The following AFG2A variants were observed in gnomAD, a reference collection of about 807,000 sequenced individuals.
AFG2A encodes ATPase family gene 2 protein homolog A.
At chr4:122,995,706 T>TA in the AFG2A span, among the ~76,000 whole-genome samples, 1 of 152,346 alleles carries the variant, frequency 6.6e-6, no homozygotes, top group Non-Finnish European at 1.5e-5. Flanking sequence ...ATGGAAAATT[T>TA]AATTTGCAAT....
chr4:123,221,269 C>A, the AFG2A span, among the ~76,000 whole-genome samples: 1 of 152,346 alleles, frequency 6.6e-6, no homozygotes, highest in African/African-American at 2.4e-5. Context: ...AATCCTCCCA[C>A]CTAAGCCTCT....
chr4:123,061,189 T>C, the AFG2A span, among the ~76,000 whole-genome samples: 4 of 152,180 alleles, frequency 2.6e-5, no homozygotes, highest in Admixed American at 2.0e-4. Context: ...TTCCAAACTT[T>C]CCCACATTTT....
chr4:123,314,271 C>A, the AFG2A span: 1 of 372,578 alleles, frequency 2.7e-6, no homozygotes, highest in Admixed American at 4.6e-5. Flanking sequence ...ATCAGTTTTA[C>A]CTGGAAATTT....
At chr4:123,295,250 A>G in the AFG2A span, among the ~76,000 whole-genome samples, 1 of 152,222 alleles carries the variant, frequency 6.6e-6, no homozygotes, top group South Asian at 2.1e-4. Context: ...GAGCTGGCAG[A>G]GGCATAAGCC....
the AFG2A span, among the ~76,000 whole-genome samples, chr4:123,175,006 A>G: frequency 0.011 from 1,715 of 152,036 alleles, 35 homozygotes; most frequent in South Asian, 0.092. Flanking sequence ...TGATTTTTGT[A>G]GAGATGGGGT....
chr4:122,932,168 C>T, the AFG2A span, among the ~76,000 whole-genome samples: 1 of 151,288 alleles, frequency 6.6e-6, no homozygotes, highest in Non-Finnish European at 1.5e-5. Context: ...CCAGCTACTC[C>T]AGAGGCTGAG....
chr4:123,221,644 G>T, the AFG2A span, among the ~76,000 whole-genome samples: 1 of 151,958 alleles, frequency 6.6e-6, no homozygotes, highest in South Asian at 2.1e-4. Context: ...TGTAAAAATG[G>T]CCAGGCACAG....
chr4:122,943,095 A>G, the AFG2A span, among the ~76,000 whole-genome samples: 14 of 152,274 alleles, frequency 9.2e-5, no homozygotes, highest in South Asian at 1.7e-3. Flanking sequence ...GTGGTGCTGA[A>G]AAGAATGTAT....
At chr4:123,040,846 G>A in the AFG2A span, among the ~76,000 whole-genome samples, 6 of 152,070 alleles carry the variant, frequency 3.9e-5, no homozygotes, top group African/African-American at 1.2e-4. Context: ...AGTATCTTAA[G>A]CTTAACAATA....
the AFG2A span, among the ~76,000 whole-genome samples, chr4:123,174,704 C>T: frequency 6.6e-6 from 1 of 151,728 alleles, no homozygotes; most frequent in Non-Finnish European, 1.5e-5. Flanking sequence ...AAGTTGGGCC[C>T]CTACTTCACA....
the AFG2A span, among the ~76,000 whole-genome samples, chr4:123,047,354 CG>C: frequency 1.3e-5 from 2 of 149,326 alleles, no homozygotes; most frequent in Non-Finnish European, 3.0e-5. Flanking sequence ...ATTATGATGT[CG>C]AACATTTTTT....
At chr4:122,949,596 T>C in the AFG2A span, among the ~76,000 whole-genome samples, 1 of 151,844 alleles carries the variant, frequency 6.6e-6, no homozygotes, top group Non-Finnish European at 1.5e-5. Flanking sequence ...GGGCAAAAGG[T>C]GAGTTGTTTA....
At chr4:122,939,852 A>G in the AFG2A span, among the ~76,000 whole-genome samples, 2 of 152,070 alleles carry the variant, frequency 1.3e-5, no homozygotes, top group Admixed American at 6.6e-5. Flanking sequence ...TCATTGTTCA[A>G]TTCCCATCTA....
the AFG2A span, among the ~76,000 whole-genome samples, chr4:122,998,625 T>A: frequency 0.012 from 1,844 of 152,284 alleles, 43 homozygotes; most frequent in African/African-American, 0.041. Flanking sequence ...TCCATGTCCT[T>A]AAAAAGGACA....
At chr4:122,927,395 C>T in the AFG2A span, among the ~76,000 whole-genome samples, 1 of 152,146 alleles carries the variant, frequency 6.6e-6, no homozygotes, top group African/African-American at 2.4e-5. Context: ...GAAACCAATA[C>T]TCACCCCATA....
the AFG2A span, among the ~76,000 whole-genome samples, chr4:123,023,188 T>C: frequency 2.0e-4 from 30 of 151,314 alleles, no homozygotes; most frequent in Admixed American, 6.6e-4. Context: ...AGTATAATAA[T>C]AATGATAATA....
At chr4:123,007,568 ATGTGTGTGTGTGTGTGTGTGTGTGTGTG>A in the AFG2A span, among the ~76,000 whole-genome samples, 2,192 of 91,682 alleles carry the variant, frequency 0.024, 78 homozygotes, top group African/African-American at 0.094. Flanking sequence ...GTGTGTGTAT[ATGTGTGTGTGTGTGTGTGTGTGTGTGTG>A]TGTGTGTGTG....
At chr4:123,237,981 C>T in the AFG2A span, among the ~76,000 whole-genome samples, 1,881 of 152,308 alleles carry the variant, frequency 0.012, 42 homozygotes, top group African/African-American at 0.043. Flanking sequence ...CCAAATACTG[C>T]GCTTTTCCCA....
the AFG2A span, among the ~76,000 whole-genome samples, chr4:123,295,395 CTT>C: frequency 2.0e-5 from 3 of 152,216 alleles, no homozygotes; most frequent in South Asian, 2.1e-4. Context: ...TGTCTTGAGA[CTT>C]TGACTGACAT....
Sources: gnomAD v4.1 joint callset for allele counts (sites outside exome capture counted in the v4.1 genomes callset) on GRCh38, gnomAD v4.1.1 for gene constraint, MANE v1.5 for transcripts, NCBI Gene and HGNC (gene_info 2026-07-23, HGNC 2026-07-21) for gene names.